Variants in B3GALT5 observed in about 807,000 individuals in gnomAD.
The protein encoded by B3GALT5 is beta-1,3-galactosyltransferase 5.
For missense variants in B3GALT5, 328 were observed against 396.6 expected, an observed-to-expected ratio of 0.83 and a Z score of 1.47; for synonymous variants, 156 against 158.6, an observed-to-expected ratio of 0.98 and a Z score of 0.12.
chr21:39,613,156 G>T, intron 1 of B3GALT5, 89 bp downstream of exon 1: 2 of 150,006 alleles, frequency 1.3e-5, no homozygotes, highest in South Asian at 3.6e-4. Context: ...CGTGGGTGCC[G>T]GGCGCAGGGG....
intron 1 of B3GALT5, among the ~76,000 whole-genome samples, chr21:39,642,816 G>C (rs1490004649): frequency 1.3e-5 from 2 of 150,414 alleles, no homozygotes; most frequent in Non-Finnish European, 3.0e-5. Flanking sequence ...CAGGATCATG[G>C]CTGGAAGCCA....
chr21:39,659,444 A>T lies in B3GALT5; in HGVS notation c.-160-309A>T, dbSNP rs376568772. Among the ~76,000 whole-genome samples, 7 of 152,370 alleles carry T rather than the reference A, an allele frequency of 4.6e-5. No individual in the cohort carries two copies. The East Asian group carries it at 1.3e-3, about 29-fold the overall frequency. ...CTCTGTTATGTAAATAAGGTAAATT[A>T]TCAGGATGAGAAGTGAGACTCTAAT... On this transcript the variant is annotated intron_variant, in intron 2 of 3. Coordinates refer to ENST00000684187, the MANE Select transcript of B3GALT5 (RefSeq NM_001356336.2).
In B3GALT5 at chr21:39,667,462, C is replaced by G. The variant is rs1319630607; in HGVS notation, c.*5970C>G. The G allele has an allele frequency of 6.6e-6, 1 of 152,196 alleles. No individual in the cohort carries two copies. Among genetic ancestry groups the G allele is most frequent in the African/African-American group, 2.4e-5 (1 of 41,434 alleles). 9.4% of individuals were successfully genotyped at this position (152,196 alleles called of 1,614,324 possible). On this transcript the variant is annotated 3_prime_UTR_variant, in exon 4 of 4. Transcript: ENST00000684187. ...TTCCTTCCTAAGCTTTAAATTTCAG[C>G]TAACAAATATGAGCATGGCCTCTGG...
Position 39,660,474 on chromosome 21 carries a change from C to T in B3GALT5, c.1-86C>T, listed in dbSNP as rs1047260390. On this transcript the variant is annotated intron_variant, in intron 3 of 3. Coordinates refer to ENST00000684187, the MANE Select transcript of B3GALT5 (RefSeq NM_001356336.2). ...GTTCTAGAGTTTCCAAAACACGGGT[C>T]TCCTCTCCCACCTCAGCCTCCTAGC... 27 of 1,189,530 alleles carry T rather than the reference C, an allele frequency of 2.3e-5. No homozygotes were observed. In the East Asian group the frequency reaches 6.7e-4, roughly 30 times the overall value. 73.7% of individuals were successfully genotyped at this position (1,189,530 alleles called of 1,614,324 possible). A position where few individuals can be genotyped will look rare whatever the true frequency, so the allele number is the denominator to read the frequency against.
chr21:39,634,318 C>T (rs2079211521), intron 1 of B3GALT5, among the ~76,000 whole-genome samples: 1 of 152,108 alleles, frequency 6.6e-6, no homozygotes, highest in Non-Finnish European at 1.5e-5. Context: ...AGGGAAATGG[C>T]CTCTCACAGC....
At chr21:39,613,679 C>CGTGT (rs372230904) in intron 1 of B3GALT5, among the ~76,000 whole-genome samples, 8 of 152,052 alleles carry the variant, frequency 5.3e-5, no homozygotes, top group African/African-American at 1.7e-4. Flanking sequence ...TGTGTGAGTG[C>CGTGT]GTGTGTGTGT....
In B3GALT5 at chr21:39,643,901, G is replaced by A. The variant is rs16998052; in HGVS notation, c.-391-2491G>A. Among the ~76,000 whole-genome samples the A allele has an allele frequency of 4.5e-3, 691 of 152,232 alleles. 5 individuals carry two copies. Among genetic ancestry groups the A allele is most frequent in the East Asian group, 0.025 (127 of 5,174 alleles). On this transcript the variant is annotated intron_variant, in intron 1 of 3. Coordinates refer to ENST00000684187, the MANE Select transcript of B3GALT5 (RefSeq NM_001356336.2). The stretch of plus-strand genomic sequence containing the variant: ...GGCTTATTTTGTAGTAAAATCTTGC[G>A]TTCTTGTGGAAGTGATTGACACTGA...
chr21:39,648,095 TA>T (rs1276754717), intron 2 of B3GALT5, among the ~76,000 whole-genome samples: 1 of 151,988 alleles, frequency 6.6e-6, no homozygotes, highest in Non-Finnish European at 1.5e-5. Context: ...TCTTACTTTT[TA>T]AAAAAAAGTC....
intron 1 of B3GALT5, among the ~76,000 whole-genome samples, chr21:39,627,370 G>C (rs2079169727): frequency 6.6e-6 from 1 of 152,198 alleles, no homozygotes; most frequent in Admixed American, 6.5e-5. Context: ...AAGTCACCCT[G>C]TGGGGTTTCT....
intron 1 of B3GALT5, among the ~76,000 whole-genome samples, chr21:39,638,080 G>A (rs1399819808): frequency 6.6e-6 from 1 of 152,284 alleles, no homozygotes; most frequent in East Asian, 1.9e-4. Flanking sequence ...GAAGAGAAGT[G>A]CTGGCAAGGG....
intron 2 of B3GALT5, among the ~76,000 whole-genome samples, chr21:39,652,908 A>G (rs1283864067): frequency 6.6e-6 from 1 of 152,224 alleles, no homozygotes; most frequent in Non-Finnish European, 1.5e-5. Context: ...TCTACAGAAC[A>G]TGTGTCTTTT....
intron 2 of B3GALT5, among the ~76,000 whole-genome samples, chr21:39,654,370 C>T (rs2079422070): frequency 6.6e-6 from 1 of 152,156 alleles, no homozygotes; most frequent in South Asian, 2.1e-4. Context: ...GGATGAGCCA[C>T]CATGGTCGAC....
intron 1 of B3GALT5, among the ~76,000 whole-genome samples, chr21:39,636,314 A>G (rs2079227369): frequency 6.6e-6 from 1 of 152,226 alleles, no homozygotes; most frequent in Non-Finnish European, 1.5e-5. Context: ...CAGTGAGACC[A>G]TGCTGTGGCC....
At chr21:39,656,784 G>C (rs556694483) in intron 2 of B3GALT5, among the ~76,000 whole-genome samples, 1 of 152,342 alleles carries the variant, frequency 6.6e-6, no homozygotes, top group East Asian at 1.9e-4. Flanking sequence ...GCCTGTGCGG[G>C]TAGGATGCTG....
Position 39,664,237 on chromosome 21 carries a change from C to T in B3GALT5, c.*2745C>T, listed in dbSNP as rs2079557607. ...ACCTGCTGACGGAGCTGTGGGAGCA[C>T]ATTGCATTGGCTGCTCCCACTGCCT... is the stretch of plus-strand genomic sequence containing the variant. On this transcript the variant is annotated 3_prime_UTR_variant, in exon 4 of 4. Transcript: ENST00000684187. 6.6e-6 allele frequency: 1 copy of T among 152,410 alleles called. No homozygotes were observed. Among genetic ancestry groups the T allele is most frequent in the African/African-American group, 2.4e-5 (1 of 41,434 alleles). 9.4% of individuals were successfully genotyped at this position (152,410 alleles called of 1,614,324 possible).
At position 39,671,966 on chromosome 21, in the gene B3GALT5, C is replaced by T. The variant is rs190473865; in HGVS notation, c.*10474C>T. ...TGGCACCTGCCAATCGGAAGACTGACAAACAAAAAATTAGTTTTTAATTAA... is the reference window on the plus strand; with the variant it reads ...TGGCACCTGCCAATCGGAAGACTGATAAACAAAAAATTAGTTTTTAATTAA... On this transcript the variant is annotated 3_prime_UTR_variant, in exon 4 of 4. Transcript: ENST00000684187. 1 of 152,294 alleles carries T rather than the reference C, an allele frequency of 6.6e-6. No individual in the cohort carries two copies. The highest frequency in any genetic ancestry group is 2.4e-5 in the African/African-American group (1 of 41,560). The allele number at this position is 152,294 out of a possible 1,614,324, so 9.4% of individuals were successfully genotyped here.
At chr21:39,625,479 A>G (rs1222845232) in intron 1 of B3GALT5, among the ~76,000 whole-genome samples, 2 of 152,136 alleles carry the variant, frequency 1.3e-5, no homozygotes, top group African/African-American at 2.4e-5. Flanking sequence ...GGGGTTGCTC[A>G]CTTTGTTTTT....
intron 1 of B3GALT5, among the ~76,000 whole-genome samples, chr21:39,643,219 A>G (rs1439099693): frequency 6.6e-6 from 1 of 152,032 alleles, no homozygotes; most frequent in East Asian, 1.9e-4. Flanking sequence ...GCAGCATCGC[A>G]GGATTGAAAA....
intron 1 of B3GALT5, among the ~76,000 whole-genome samples, chr21:39,639,452 CTT>C (rs1213669228): frequency 8.4e-6 from 1 of 118,868 alleles, no homozygotes; most frequent in African/African-American, 3.5e-5. Flanking sequence ...TTCTTTCTTT[CTT>C]TTTTTCTTTC....
Sources: gnomAD v4.1 joint callset for allele counts (sites outside exome capture counted in the v4.1 genomes callset) on GRCh38, gnomAD v4.1.1 for gene constraint, MANE v1.5 for transcripts, NCBI Gene and HGNC (gene_info 2026-07-23, HGNC 2026-07-21) for gene names.